The following CLXN variants were observed in gnomAD, a reference collection of about 807,000 sequenced individuals.
CLXN encodes the protein calaxin, also known as EF-hand calcium binding domain 1.
the CLXN span, chr8:48,724,559 TTCTTG>T: frequency 9.1e-5 from 42 of 461,646 alleles, 1 homozygote; most frequent in African/African-American, 8.2e-4. Context: ...AATAAGGGAC[TTCTTG>T]TCTTCCATCT....
At chr8:48,726,494 A>G in the CLXN span, among the ~76,000 whole-genome samples, 1 of 143,670 alleles carries the variant, frequency 7.0e-6, no homozygotes, top group East Asian at 2.1e-4. Flanking sequence ...TCATCCATCC[A>G]TCCATCCATC....
the CLXN span, chr8:48,729,569 T>G: frequency 3.9e-6 from 3 of 776,174 alleles, no homozygotes; most frequent in Non-Finnish European, 5.7e-6. Flanking sequence ...GTGGTGAAAC[T>G]GAAAAGAACT....
the CLXN span, among the ~76,000 whole-genome samples, chr8:48,732,522 G>T: frequency 2.6e-5 from 4 of 152,138 alleles, no homozygotes; most frequent in Admixed American, 1.3e-4. Flanking sequence ...CAATATAATG[G>T]TTATGATTTC....
At chr8:48,716,930 G>A in the CLXN span, among the ~76,000 whole-genome samples, 1 of 152,304 alleles carries the variant, frequency 6.6e-6, no homozygotes, top group Non-Finnish European at 1.5e-5. Flanking sequence ...CAAATCTTGG[G>A]AGAGAAATGA....
chr8:48,731,457 C>T, the CLXN span: 2 of 1,613,128 alleles, frequency 1.2e-6, no homozygotes, highest in Non-Finnish European at 1.7e-6. Context: ...CTCCTCCCAC[C>T]AAGTCATAAA....
chr8:48,717,463 T>C, the CLXN span, among the ~76,000 whole-genome samples: 1 of 152,102 alleles, frequency 6.6e-6, no homozygotes, highest in Admixed American at 6.5e-5. Context: ...AAGGGAGAGA[T>C]AAAGTCTTTC....
chr8:48,727,163 A>C, the CLXN span, among the ~76,000 whole-genome samples: 2 of 143,824 alleles, frequency 1.4e-5, no homozygotes, highest in South Asian at 2.3e-4. Context: ...CCATCCATCC[A>C]TCCATCCACC....
At chr8:48,726,444 AC>A in the CLXN span, among the ~76,000 whole-genome samples, 1 of 139,524 alleles carries the variant, frequency 7.2e-6, no homozygotes, top group African/African-American at 2.8e-5. Flanking sequence ...CCATCTACCC[AC>A]CCACCTACCT....
chr8:48,716,170 G>C, the CLXN span: 1 of 152,442 alleles, frequency 6.6e-6, no homozygotes, highest in Non-Finnish European at 1.5e-5. Context: ...TGCTTGGGCG[G>C]GCCGGCAGTG....
the CLXN span, among the ~76,000 whole-genome samples, chr8:48,734,106 T>C: frequency 2.3e-4 from 35 of 152,182 alleles, no homozygotes; most frequent in Non-Finnish European, 4.9e-4. Context: ...GAGCATTTCT[T>C]ACCAGGTATT....
At chr8:48,729,059 A>G in the CLXN span, 1 of 1,611,602 alleles carries the variant, frequency 6.2e-7, no homozygotes, top group Non-Finnish European at 8.5e-7. Context: ...TCAGGAAGAC[A>G]TGGCCCAAAG....
the CLXN span, chr8:48,729,607 G>A: frequency 2.1e-6 from 2 of 963,308 alleles, no homozygotes; most frequent in Admixed American, 5.6e-5. Context: ...CATAATTTAT[G>A]TGTTTTATTT....
At chr8:48,728,523 A>G in the CLXN span, among the ~76,000 whole-genome samples, 9 of 152,138 alleles carry the variant, frequency 5.9e-5, no homozygotes, top group African/African-American at 2.2e-4. Context: ...GTATTCCACT[A>G]ATAAGTGAGT....
chr8:48,726,866 TATCA>T, the CLXN span, among the ~76,000 whole-genome samples: 1 of 97,466 alleles, frequency 1.0e-5, no homozygotes, highest in Admixed American at 1.0e-4. Context: ...TCCATGCATC[TATCA>T]ATCTATCTAT....
At chr8:48,719,224 A>T in the CLXN span, among the ~76,000 whole-genome samples, 1 of 152,194 alleles carries the variant, frequency 6.6e-6, no homozygotes. Flanking sequence ...AATTAGGAAG[A>T]AACAGAAAGC....
chr8:48,715,451 C>T, the CLXN span: 2 of 152,216 alleles, frequency 1.3e-5, no homozygotes, highest in African/African-American at 2.4e-5. Context: ...GTGTTGGAAG[C>T]GTTTTATCTG....
chr8:48,729,794 G>A, the CLXN span: 1 of 1,613,334 alleles, frequency 6.2e-7, no homozygotes, highest in African/African-American at 1.3e-5. Context: ...TGTTTGAGAA[G>A]GCTGTTCTTC....
chr8:48,721,316 A>G, the CLXN span, among the ~76,000 whole-genome samples: 3 of 152,168 alleles, frequency 2.0e-5, no homozygotes, highest in Non-Finnish European at 4.4e-5. Flanking sequence ...GAAAATACAG[A>G]CCAATAAAAG....
chr8:48,734,868 G>C, the CLXN span, among the ~76,000 whole-genome samples: 1 of 152,168 alleles, frequency 6.6e-6, no homozygotes, highest in Admixed American at 6.5e-5. Flanking sequence ...TGGGAGTGTA[G>C]GTAGCACCAG....
Sources: allele counts gnomAD v4.1 joint callset (sites outside exome capture counted in the v4.1 genomes callset), GRCh38; gene constraint gnomAD v4.1.1; transcripts MANE v1.5; gene names NCBI Gene and HGNC (gene_info 2026-07-23, HGNC 2026-07-21).